Variants in CLNK observed in about 807,000 individuals in gnomAD.
CLNK encodes the protein cytokine dependent hematopoietic cell linker.
In CLNK, 74 loss-of-function variants were observed where a neutral mutation model predicts 68.6. The ratio of observed to expected loss-of-function variants is 1.08; its 90% CI spans 0.89 to 1.31. The LOEUF is 1.31. CLNK is among the 50% of genes most tolerant of loss of function. The probability of loss-of-function intolerance (pLI) is 0.00; values close to 1 mark genes in which losing one functional copy is unlikely to be tolerated. For missense variants in CLNK, 553 were observed against 515.3 expected (o/e 1.07, Z -0.71); for synonymous variants, 198 against 172.2 (o/e 1.15, Z -1.17).
At chr4:10,523,182 T>C (rs932641026) in intron 14 of CLNK, among the ~76,000 whole-genome samples, 2 of 151,666 alleles carry the variant, frequency 1.3e-5, no homozygotes, top group Non-Finnish European at 2.9e-5. Context: ...ATAGGAAGAG[T>C]GACGATGGGA....
intron 11 of CLNK, 81 bp downstream of exon 11, chr4:10,540,413 A>G: frequency 9.9e-7 from 1 of 1,010,028 alleles, no homozygotes; most frequent in Admixed American, 1.8e-5. Flanking sequence ...TCTGAAAGGT[A>G]CTTTGTTTGG....
At chr4:10,562,748 G>A (rs1168901207) in intron 7 of CLNK, among the ~76,000 whole-genome samples, 1 of 152,064 alleles carries the variant, frequency 6.6e-6, no homozygotes, top group Non-Finnish European at 1.5e-5. Flanking sequence ...CTTTCAGTTC[G>A]ATCTCTACTG....
intron 1 of CLNK, among the ~76,000 whole-genome samples, chr4:10,680,283 C>T (rs967876535): frequency 1.6e-4 from 24 of 148,020 alleles, no homozygotes; most frequent in Non-Finnish European, 3.3e-4. Context: ...AACCAAACAC[C>T]GCATGTTCTC....
intron 11 of CLNK, among the ~76,000 whole-genome samples, chr4:10,537,444 C>T (rs1718802931): frequency 6.6e-6 from 1 of 152,100 alleles, no homozygotes; most frequent in Non-Finnish European, 1.5e-5. Flanking sequence ...CATCACTGCA[C>T]TCCAGCCTGG....
At chr4:10,637,609 T>C (rs1404198978) in intron 2 of CLNK, among the ~76,000 whole-genome samples, 1 of 112,496 alleles carries the variant, frequency 8.9e-6, no homozygotes, top group Non-Finnish European at 1.8e-5. Context: ...TTTTTTTTTT[T>C]TTTGAGACGG....
chr4:10,699,258 T>C, the CLNK span, among the ~76,000 whole-genome samples: 1 of 42,780 alleles, frequency 2.3e-5, no homozygotes, highest in Non-Finnish European at 5.7e-5. Flanking sequence ...ACCACGTATG[T>C]GTGTATACAC....
At chr4:10,552,832 C>A (rs905063380) in intron 8 of CLNK, among the ~76,000 whole-genome samples, 5 of 152,148 alleles carry the variant, frequency 3.3e-5, no homozygotes, top group African/African-American at 4.8e-5. Flanking sequence ...GCAGGAAGAA[C>A]CCCTCGGGCG....
At chr4:10,593,841 G>T (rs1721282094) in intron 3 of CLNK, among the ~76,000 whole-genome samples, 1 of 152,228 alleles carries the variant, frequency 6.6e-6, no homozygotes, top group Non-Finnish European at 1.5e-5. Context: ...TGACGAATGG[G>T]AAGGGTCTGA....
the CLNK span, among the ~76,000 whole-genome samples, chr4:10,699,512 ATTT>A: frequency 1.6e-3 from 52 of 32,762 alleles, no homozygotes; most frequent in African/African-American, 5.3e-3. Context: ...ATATATATAT[ATTT>A]TTTTTTTTTT....
intron 18 of CLNK, among the ~76,000 whole-genome samples, chr4:10,494,528 G>A (rs1716725896): frequency 1.3e-5 from 2 of 151,510 alleles, no homozygotes; most frequent in East Asian, 1.9e-4. Context: ...CACAATCTTG[G>A]CTCACTGCAA....
chr4:10,508,550 A>C (rs1476344307), intron 16 of CLNK, among the ~76,000 whole-genome samples: 3 of 152,272 alleles, frequency 2.0e-5, no homozygotes, highest in East Asian at 3.9e-4. Flanking sequence ...ATTTATATCA[A>C]TGTTAAATGA....
chr4:10,531,283 C>T (rs1718527634), intron 12 of CLNK: 1 of 152,404 alleles, frequency 6.6e-6, no homozygotes. Context: ...CCTTGGAAGG[C>T]TCTACTATAG....
intron 8 of CLNK, among the ~76,000 whole-genome samples, chr4:10,542,658 GTGTGTGTGTGTGTGTGTGTGTGTGTA>G (rs1719081146): frequency 7.9e-6 from 1 of 127,282 alleles, no homozygotes; most frequent in African/African-American, 3.2e-5. Context: ...GTGTGTGTAT[GTGTGTGTGTGTGTGTGTGTGTGTGTA>G]TATATATATA....
intron 2 of CLNK, among the ~76,000 whole-genome samples, chr4:10,655,043 G>A (rs984359926): frequency 6.9e-6 from 1 of 145,628 alleles, no homozygotes; most frequent in Non-Finnish European, 1.5e-5. Flanking sequence ...TGATCTTGCA[G>A]TGAGCCGAGA....
rs921043809 is a variant in CLNK, at chr4:10,487,359, G to A, written c.*3108C>T. ...TCAATTATAAAATGCATTAGAAATA[G>A]CTGCCCTCTCTTCTTTACAGAAGTG... On this transcript the variant is annotated 3_prime_UTR_variant, in exon 19 of 19. Transcript: ENST00000226951. 1 of 152,200 alleles carries A rather than the reference G, an allele frequency of 6.6e-6. No individual in the cohort carries two copies. The highest frequency in any genetic ancestry group is 2.4e-5 in the African/African-American group (1 of 41,444). The allele number at this position is 152,200 out of a possible 1,614,324, so 9.4% of individuals were successfully genotyped here.
chr4:10,717,631 C>T, the CLNK span, among the ~76,000 whole-genome samples: 6 of 152,220 alleles, frequency 3.9e-5, 1 homozygote, highest in South Asian at 1.0e-3. Flanking sequence ...ACTCCCACCC[C>T]ACTGGTAAAG....
At chr4:10,718,119 C>G in the CLNK span, among the ~76,000 whole-genome samples, 4 of 152,102 alleles carry the variant, frequency 2.6e-5, no homozygotes, top group African/African-American at 9.7e-5. Context: ...ATGGGCTCAA[C>G]AGCAGAACGG....
intron 2 of CLNK, among the ~76,000 whole-genome samples, chr4:10,614,706 C>T (rs895963143): frequency 1.3e-5 from 2 of 152,210 alleles, no homozygotes; most frequent in African/African-American, 4.8e-5. Flanking sequence ...TGTGATCCCT[C>T]TGGGATTTAT....
At chr4:10,682,398 T>C (rs956984166) in intron 1 of CLNK, among the ~76,000 whole-genome samples, 4 of 152,178 alleles carry the variant, frequency 2.6e-5, no homozygotes, top group Non-Finnish European at 5.9e-5. Flanking sequence ...CTTATGACAG[T>C]GGATATAACT....
Sources: allele counts gnomAD v4.1 joint callset (sites outside exome capture counted in the v4.1 genomes callset), GRCh38; gene constraint gnomAD v4.1.1; transcripts MANE v1.5; gene names NCBI Gene and HGNC (gene_info 2026-07-23, HGNC 2026-07-21).